KRT80: variants seen among roughly 807,000 people sequenced by gnomAD.
The protein encoded by KRT80 is keratin 80.
In KRT80, 36 loss-of-function variants were observed where a neutral mutation model predicts 51.5. That is an observed-to-expected ratio of 0.70 (90% confidence interval 0.54 to 0.92). The LOEUF (loss-of-function observed/expected upper bound fraction) is 0.92. KRT80 is among the 40% of genes least tolerant of loss of function. The pLI is 0.00. For synonymous variants in KRT80, 235 were observed against 248.3 expected, an observed-to-expected ratio of 0.95 and a Z score of 0.50; for missense variants, 566 against 591.7, an observed-to-expected ratio of 0.96 and a Z score of 0.45.
chr12:52,180,986 T>G, intron 2 of KRT80, 23 bp from the exon 3 acceptor site: 2 of 1,512,078 alleles, frequency 1.3e-6, no homozygotes, highest in Non-Finnish European at 1.8e-6. Context: ...GAGGGGTTGC[T>G]CAGCTGGATA....
chr12:52,191,488 CA>C, intron 1 of KRT80, 114 bp downstream of exon 1: 1 of 1,038,082 alleles, frequency 9.6e-7, no homozygotes, highest in Non-Finnish European at 1.4e-6. Context: ...GCCATCTCCC[CA>C]TTGGCTGGGT....
At chr12:52,179,335 G>A (rs1309576084) in intron 4 of KRT80, among the ~76,000 whole-genome samples, 1 of 152,224 alleles carries the variant, frequency 6.6e-6, no homozygotes, top group Non-Finnish European at 1.5e-5. Context: ...CCAGCCAGTG[G>A]GCATGGTGCC....
chr12:52,180,699 G>C (rs775878922), intron 3 of KRT80, 91 bp from the exon 4 acceptor site: 1 of 1,599,474 alleles, frequency 6.3e-7, no homozygotes, highest in Non-Finnish European at 8.5e-7. Context: ...GGGTGAGAGT[G>C]GGGGTGATTC....
intron 8 of KRT80, 46 bp downstream of exon 8, chr12:52,171,612 C>A: frequency 6.2e-7 from 1 of 1,602,942 alleles, no homozygotes; most frequent in Admixed American, 1.7e-5. Flanking sequence ...ATCCCCTACA[C>A]CCTCACCCTC....
chr12:52,191,603 C>T lies in KRT80; in HGVS notation c.300G>A (p.Lys100=). The T allele has an allele frequency of 6.3e-7, 1 of 1,580,640 alleles. No homozygotes were observed. Among genetic ancestry groups the T allele is most frequent in the Non-Finnish European group, 8.6e-7 (1 of 1,159,600 alleles). Reference sequence around the variant, plus strand: ...TTTGGGACCCCCTACTTGTGCTCACCTTGCCAATTAGGGAGGCAAATTTAT... The same window carrying T: ...TTTGGGACCCCCTACTTGTGCTCACTTTGCCAATTAGGGAGGCAAATTTAT... The part of the protein sequence containing the change: ...LNDKFASLIG[K]VQALEQRNQL... Residue 100 remains lysine (K), a splice_region_variant and synonymous_variant, in exon 1 of 9, where the codon AAG becomes AAA. Transcript: ENST00000394815.
At chr12:52,177,646 T>A (rs1443987456) in intron 4 of KRT80, among the ~76,000 whole-genome samples, 8 of 142,154 alleles carry the variant, frequency 5.6e-5, no homozygotes, top group South Asian at 4.2e-4. Context: ...TGTGTGTGTG[T>A]GTGTGTGTGT....
chr12:52,172,113 T>C (rs1254371175), intron 7 of KRT80, 85 bp downstream of exon 7: 14 of 1,462,504 alleles, frequency 9.6e-6, no homozygotes, highest in Non-Finnish European at 4.7e-6. Context: ...CTGTATCATA[T>C]TGGAAAGGAG....
intron 6 of KRT80, 131 bp downstream of exon 6, chr12:52,172,907 A>G: frequency 1.9e-6 from 2 of 1,060,448 alleles, no homozygotes; most frequent in Non-Finnish European, 2.7e-6. Context: ...ACAGATTAGG[A>G]AACTGAGGCA....
At chr12:52,190,173 G>A (rs1941460365) in intron 1 of KRT80, among the ~76,000 whole-genome samples, 1 of 152,202 alleles carries the variant, frequency 6.6e-6, no homozygotes, top group African/African-American at 2.4e-5. Context: ...TACCCCAGGT[G>A]TGGATGATGA....
At position 52,172,214 on chromosome 12, in the gene KRT80, C is replaced by G; in HGVS notation, c.1162G>C (p.Glu388Gln). ...GGCTCTCACCTGCCCTCCTCGCCCT[C>G]CACCAGCTTCCTGTAGGTGGCGATC... ...IEIATYRKLV[E>Q]GEEGRMDSPS... Residue 388 changes from glutamate to glutamine, a missense_variant, in exon 7 of 9, where the codon GAG (glutamate) becomes CAG (glutamine). By Grantham distance (29) the Glu-to-Gln change is conservative. Transcript: ENST00000394815. The G allele has an allele frequency of 6.2e-7, 1 of 1,613,790 alleles. No homozygotes were observed. Among genetic ancestry groups the G allele is most frequent in the Non-Finnish European group, 8.5e-7 (1 of 1,180,036 alleles).
At chr12:52,171,610 C>T (rs1261524413) in intron 8 of KRT80, 48 bp downstream of exon 8, 5 of 1,602,502 alleles carry the variant, frequency 3.1e-6, no homozygotes, top group Non-Finnish European at 4.3e-6. Context: ...TGATCCCCTA[C>T]ACCCTCACCC....
At chr12:52,172,726 CCCT>C (rs1941131678) in intron 6 of KRT80, among the ~76,000 whole-genome samples, 1 of 152,180 alleles carries the variant, frequency 6.6e-6, no homozygotes, top group Admixed American at 6.5e-5. Context: ...GGCCTCTACT[CCCT>C]CCTCTCTGTG....
intron 4 of KRT80, among the ~76,000 whole-genome samples, chr12:52,179,819 TA>T (rs1941291459): frequency 6.6e-6 from 1 of 152,168 alleles, no homozygotes; most frequent in Admixed American, 6.5e-5. Flanking sequence ...GAAGGGACTT[TA>T]GCTCAGGAGT....
chr12:52,177,297 G>A (rs938340053), intron 4 of KRT80, among the ~76,000 whole-genome samples: 24 of 152,316 alleles, frequency 1.6e-4, no homozygotes, highest in African/African-American at 5.8e-4. Context: ...TATTCTCGGG[G>A]CAGCCTCCAT....
intron 1 of KRT80, among the ~76,000 whole-genome samples, chr12:52,189,938 C>T (rs1057029645): frequency 2.0e-5 from 3 of 152,234 alleles, no homozygotes; most frequent in African/African-American, 4.8e-5. Context: ...GGGAGAAAAC[C>T]ACCCATCTGA....
chr12:52,180,820 A>T (rs771602408), intron 3 of KRT80, 83 bp downstream of exon 3: 1 of 1,606,046 alleles, frequency 6.2e-7, no homozygotes, highest in African/African-American at 1.3e-5. Flanking sequence ...TTGATTGGGC[A>T]TAAAGGAGAG....
intron 1 of KRT80, among the ~76,000 whole-genome samples, chr12:52,187,807 G>C (rs538830363): frequency 6.6e-6 from 1 of 152,140 alleles, no homozygotes; most frequent in Admixed American, 6.5e-5. Flanking sequence ...CCTTGCCTCC[G>C]TTTTGACAAG....
At chr12:52,179,244 G>T (rs1941283045) in intron 4 of KRT80, among the ~76,000 whole-genome samples, 1 of 152,250 alleles carries the variant, frequency 6.6e-6, no homozygotes, top group African/African-American at 2.4e-5. Context: ...GTGGAGACAG[G>T]AGATGGCCCT....
chr12:52,186,645 G>A (rs956249783), intron 1 of KRT80, among the ~76,000 whole-genome samples: 4 of 152,212 alleles, frequency 2.6e-5, no homozygotes, highest in African/African-American at 4.8e-5. Flanking sequence ...TGACACATGC[G>A]TCCTGTGTGT....
Sources: gnomAD v4.1 joint callset for allele counts (sites outside exome capture counted in the v4.1 genomes callset) on GRCh38, gnomAD v4.1.1 for gene constraint, MANE v1.5 for transcripts, NCBI Gene and HGNC (gene_info 2026-07-23, HGNC 2026-07-21) for gene names.